The following C19orf38 variants were observed in gnomAD, a reference collection of about 807,000 sequenced individuals.
C19orf38 encodes the protein chromosome 19 open reading frame 38, also known as protein HIDE1.
Under a neutral mutation model 26.6 loss-of-function variants are expected in C19orf38, and 14 were observed. The observed-to-expected ratio is 0.53, with a 90% confidence interval of 0.35 to 0.82. The LOEUF is 0.82. Ranked by LOEUF, C19orf38 falls within the 40% of genes least tolerant of loss-of-function variation. The probability of loss-of-function intolerance (pLI) is 0.01; values close to 1 mark genes in which losing one functional copy is unlikely to be tolerated. For missense variants in C19orf38, 261 were observed against 299.5 expected (o/e 0.87, Z 0.95); for synonymous variants, 132 against 128.5 (o/e 1.03, Z -0.18).
intron 3 of C19orf38, among the ~76,000 whole-genome samples, chr19:10,857,874 C>G (rs2073645658): frequency 7.0e-6 from 1 of 143,492 alleles, no homozygotes; most frequent in Non-Finnish European, 1.5e-5. Context: ...GAACGAGACT[C>G]TGTCTCAAAA....
At chr19:10,865,824 T>G (rs1244606501) in intron 6 of C19orf38, among the ~76,000 whole-genome samples, 4 of 151,992 alleles carry the variant, frequency 2.6e-5, no homozygotes, top group Non-Finnish European at 4.4e-5. Context: ...CCCGCCAATT[T>G]TTTTTTGAGA....
At chr19:10,842,427 A>AT (rs2073484966) in intron 1 of C19orf38, among the ~76,000 whole-genome samples, 1 of 151,812 alleles carries the variant, frequency 6.6e-6, no homozygotes, top group Admixed American at 6.6e-5. Context: ...TGCCTGGCTA[A>AT]TTTTTTGTAT....
intron 2 of C19orf38, 30 bp from the exon 3 acceptor site, chr19:10,856,235 T>C (rs1390792285): frequency 6.5e-7 from 1 of 1,528,500 alleles, no homozygotes; most frequent in Non-Finnish European, 8.9e-7. Flanking sequence ...GACACTGACC[T>C]GCCCACTCTC....
At chr19:10,844,176 G>GT (rs2073498519), upstream of C19orf38, among the ~76,000 whole-genome samples, 1 of 151,604 alleles carries the variant, frequency 6.6e-6, no homozygotes, top group Non-Finnish European at 1.5e-5. Context: ...GGAGGCTGAG[G>GT]TGGGTAGATT....
At chr19:10,843,208 A>T (rs1410864355) in intron 1 of C19orf38, among the ~76,000 whole-genome samples, 1 of 152,228 alleles carries the variant, frequency 6.6e-6, no homozygotes, top group East Asian at 1.9e-4. Context: ...GGGTAGGTAT[A>T]TGCAAACTAG....
At chr19:10,857,871 ACT>A (rs1725338390) in intron 3 of C19orf38, among the ~76,000 whole-genome samples, 1 of 147,018 alleles carries the variant, frequency 6.8e-6, no homozygotes, top group South Asian at 2.2e-4. Context: ...ACAGAACGAG[ACT>A]CTGTCTCAAA....
At chr19:10,843,801 G>T (rs574976268), upstream of C19orf38, among the ~76,000 whole-genome samples, 3 of 152,180 alleles carry the variant, frequency 2.0e-5, no homozygotes, top group African/African-American at 7.2e-5. Context: ...CTTGTGCTCC[G>T]AGAGGAGGAG....
At chr19:10,840,752 C>T (rs909192430) in intron 1 of C19orf38, among the ~76,000 whole-genome samples, 42 of 151,872 alleles carry the variant, frequency 2.8e-4, no homozygotes, top group Admixed American at 9.2e-4. Flanking sequence ...CTCTTGACCT[C>T]GTGATCTGCC....
chr19:10,852,306 ACTGTCTTTGGGCTT>A (rs2073581291), intron 2 of C19orf38, among the ~76,000 whole-genome samples: 1 of 152,152 alleles, frequency 6.6e-6, no homozygotes, highest in Non-Finnish European at 1.5e-5. Context: ...TGGACCAAGA[ACTGTCTTTGGGCTT>A]GCCCAAAGAC....
intron 2 of C19orf38, among the ~76,000 whole-genome samples, chr19:10,855,134 T>C (rs1413022784): frequency 6.7e-6 from 1 of 149,208 alleles, no homozygotes; most frequent in Middle Eastern, 3.2e-3. Context: ...ACCTTTTGGG[T>C]TCAATCGATT....
intron 6 of C19orf38, among the ~76,000 whole-genome samples, chr19:10,867,979 T>C (rs1474595404): frequency 6.6e-6 from 1 of 152,100 alleles, no homozygotes; most frequent in Non-Finnish European, 1.5e-5. Context: ...GGCTGAATCA[T>C]ATTGTGTTGT....
chr19:10,853,434 G>A (rs1461285906), intron 2 of C19orf38, among the ~76,000 whole-genome samples: 5 of 151,524 alleles, frequency 3.3e-5, no homozygotes, highest in African/African-American at 1.2e-4. Flanking sequence ...TTACAGGCGT[G>A]CACCACCATG....
rs1056031196 is a variant in C19orf38 at position 10,850,342 on chromosome 19, A to G, written c.115A>G (p.Met39Val). 4 of 1,551,190 alleles carry G rather than the reference A, an allele frequency of 2.6e-6. No homozygotes were observed. The highest frequency in any genetic ancestry group is 3.9e-5 in the Admixed American group (2 of 50,902). Residue 39 changes from methionine (M) to valine (V), a missense_variant, in exon 2 of 7, where the codon ATG (methionine) becomes GTG (valine). By Grantham distance (21) the Met-to-Val change is conservative. Coordinates refer to ENST00000397820, the MANE Select transcript of C19orf38 (RefSeq NM_001136482.3). ...SQEDPIHIAC[M>V]APGNFPGANF... ...AGAGGACCCCATCCACATCGCATGCATGGCCCCTGGGAACTTCCCGGGGGC... is the reference window on the plus strand; with the variant it reads ...AGAGGACCCCATCCACATCGCATGCGTGGCCCCTGGGAACTTCCCGGGGGC...
chr19:10,863,268 C>T (rs761860222), intron 6 of C19orf38, 61 bp downstream of exon 6: 24 of 1,517,420 alleles, frequency 1.6e-5, no homozygotes, highest in East Asian at 2.5e-5. Context: ...GAGAACGGGG[C>T]GGGCTCAAGG....
intron 5 of C19orf38, among the ~76,000 whole-genome samples, chr19:10,861,014 G>A (rs1395191322): frequency 1.3e-5 from 2 of 151,700 alleles, no homozygotes; most frequent in East Asian, 3.9e-4. Context: ...ATGGTGGCGT[G>A]TTCCTGTAGT....
intron 1 of C19orf38, among the ~76,000 whole-genome samples, chr19:10,849,710 A>T (rs1422138043): frequency 7.1e-6 from 1 of 140,794 alleles, no homozygotes; most frequent in Non-Finnish European, 1.5e-5. Flanking sequence ...ATAAAGTAAT[A>T]ATAAATTAAA....
chr19:10,849,763 G>A (rs2073550092), intron 1 of C19orf38, among the ~76,000 whole-genome samples: 1 of 151,928 alleles, frequency 6.6e-6, no homozygotes, highest in Non-Finnish European at 1.5e-5. Flanking sequence ...AATAACCAAT[G>A]CTATTATTGA....
chr19:10,849,000 C>A (rs1179907394), intron 1 of C19orf38, among the ~76,000 whole-genome samples: 1 of 151,952 alleles, frequency 6.6e-6, no homozygotes, highest in Non-Finnish European at 1.5e-5. Context: ...CCCCAGGAGA[C>A]CATCCTGCAG....
chr19:10,864,164 A>G (rs1000946819), intron 6 of C19orf38, among the ~76,000 whole-genome samples: 1 of 151,896 alleles, frequency 6.6e-6, no homozygotes, highest in Non-Finnish European at 1.5e-5. Context: ...GGTTCAAGCA[A>G]TTCTCATGCC....
Sources: gnomAD v4.1 joint callset for allele counts (sites outside exome capture counted in the v4.1 genomes callset) on GRCh38, gnomAD v4.1.1 for gene constraint, MANE v1.5 for transcripts, NCBI Gene and HGNC (gene_info 2026-07-23, HGNC 2026-07-21) for gene names.